LRRC4C: variants seen among roughly 807,000 people sequenced by gnomAD.
LRRC4C encodes the protein leucine-rich repeat-containing protein 4C.
In LRRC4C, 5 loss-of-function variants were observed where a neutral mutation model predicts 33.6. That is an observed-to-expected ratio of 0.15 (90% CI 0.08 to 0.31). The LOEUF is 0.31. Ranked by LOEUF, LRRC4C falls within the 10% of genes least tolerant of loss-of-function variation. LRRC4C has a pLI of 1.00. For missense variants in LRRC4C, 560 were observed against 796.7 expected (o/e 0.70, Z 3.58); for synonymous variants, 329 against 302.0 (o/e 1.09, Z -0.93).
At chr11:41,194,517 G>T (rs541261222) in intron 1 of LRRC4C, among the ~76,000 whole-genome samples, 1 of 152,184 alleles carries the variant, frequency 6.6e-6, no homozygotes, top group South Asian at 2.1e-4. Context: ...TGACCATTTT[G>T]CCAGGAGATT....
chr11:41,130,957 C>A (rs1349005411), intron 1 of LRRC4C, among the ~76,000 whole-genome samples: 2 of 151,802 alleles, frequency 1.3e-5, no homozygotes, highest in Admixed American at 1.3e-4. Flanking sequence ...CTTTTTTTTG[C>A]AGGTATATTT....
intron 1 of LRRC4C, among the ~76,000 whole-genome samples, chr11:41,092,113 T>C (rs966103355): frequency 3.9e-5 from 6 of 152,204 alleles, no homozygotes. Context: ...GGTTGAATTA[T>C]AAAATAATTT....
Position 40,277,789 on chromosome 11 carries a change from A to G in LRRC4C, c.-175-36191T>C, listed in dbSNP as rs1943217856. ...GGATTCAATGTCTTTACAAAGGTAA[A>G]ACCTTTAGAGGGTGCCTACTCACAG... On this transcript the variant is annotated intron_variant, in intron 4 of 6. Coordinates refer to ENST00000528697, the MANE Select transcript of LRRC4C (RefSeq NM_001258419.2). Among the ~76,000 whole-genome samples the G allele has an allele frequency of 2.0e-5, 3 of 152,120 alleles. No individual in the cohort carries two copies. In the South Asian group the frequency reaches 6.2e-4, roughly 31 times the overall value.
chr11:40,594,850 A>G (rs894518638), intron 3 of LRRC4C, among the ~76,000 whole-genome samples: 3 of 152,188 alleles, frequency 2.0e-5, no homozygotes, highest in African/African-American at 7.2e-5. Context: ...AAATAAGTAA[A>G]CAAAAAGAAG....
chr11:41,087,025 C>G (rs7935110), intron 1 of LRRC4C, among the ~76,000 whole-genome samples: 86,884 of 151,732 alleles, frequency 0.57, 26,234 homozygotes, highest in South Asian at 0.74. Context: ...TCTGCCATTC[C>G]TGCACCAGAA....
intron 2 of LRRC4C, among the ~76,000 whole-genome samples, chr11:40,819,390 C>T (rs141041310): frequency 2.0e-5 from 3 of 152,174 alleles, no homozygotes; most frequent in Admixed American, 1.3e-4. Context: ...GTTCTTGCCC[C>T]GGAATTCTGC....
At chr11:40,247,851 A>G (rs946144906) in intron 4 of LRRC4C, among the ~76,000 whole-genome samples, 2 of 152,220 alleles carry the variant, frequency 1.3e-5, no homozygotes, top group Non-Finnish European at 2.9e-5. Flanking sequence ...TACTGACTGC[A>G]TATCTACAAA....
chr11:40,999,375 C>G (rs926745101), intron 1 of LRRC4C, among the ~76,000 whole-genome samples: 2 of 152,156 alleles, frequency 1.3e-5, no homozygotes, highest in African/African-American at 4.8e-5. Flanking sequence ...TACGGACAGT[C>G]TGTAATTTGT....
chr11:40,317,000 C>T (rs1048638027), intron 4 of LRRC4C, among the ~76,000 whole-genome samples: 3 of 151,896 alleles, frequency 2.0e-5, no homozygotes, highest in South Asian at 2.1e-4. Context: ...GGGATTTACT[C>T]ATTCTAAATT....
At chr11:40,695,026 A>C (rs1033079578) in intron 2 of LRRC4C, among the ~76,000 whole-genome samples, 2 of 151,932 alleles carry the variant, frequency 1.3e-5, no homozygotes, top group Non-Finnish European at 2.9e-5. Flanking sequence ...TCTATTGTGC[A>C]GATATTGTGT....
At chr11:40,388,985 G>A (rs1364049297) in intron 3 of LRRC4C, among the ~76,000 whole-genome samples, 1 of 152,128 alleles carries the variant, frequency 6.6e-6, no homozygotes, top group Non-Finnish European at 1.5e-5. Flanking sequence ...GTTCATTCTA[G>A]TGATGTCCTT....
intron 3 of LRRC4C, among the ~76,000 whole-genome samples, chr11:40,509,809 A>G (rs1191932261): frequency 3.3e-5 from 5 of 152,252 alleles, no homozygotes; most frequent in African/African-American, 1.2e-4. Context: ...CTATAGTTAT[A>G]TATTTTGTGT....
intron 3 of LRRC4C, among the ~76,000 whole-genome samples, chr11:40,526,855 A>G (rs1397417548): frequency 6.6e-6 from 1 of 152,166 alleles, no homozygotes; most frequent in Non-Finnish European, 1.5e-5. Context: ...GTAACTGAAT[A>G]AATGGCGATT....
intron 1 of LRRC4C, among the ~76,000 whole-genome samples, chr11:41,193,728 T>C (rs748720100): frequency 9.9e-5 from 15 of 151,982 alleles, no homozygotes; most frequent in Non-Finnish European, 2.1e-4. Flanking sequence ...GAGGTAGAAA[T>C]ATAAAAGAAG....
At chr11:41,441,322 T>C (rs1955611436) in intron 1 of LRRC4C, among the ~76,000 whole-genome samples, 1 of 151,860 alleles carries the variant, frequency 6.6e-6, no homozygotes, top group African/African-American at 2.4e-5. Flanking sequence ...AGAGGCAAAA[T>C]GGAAGTAGAA....
rs371544156 is a variant in LRRC4C at position 40,291,593 on chromosome 11, A to G, written c.-176+28035T>C. Among the ~76,000 whole-genome samples, 107 of 152,198 alleles carry G rather than the reference A, an allele frequency of 7.0e-4. 1 individual carries two copies. The highest frequency in any genetic ancestry group is 2.5e-3 in the African/African-American group (104 of 41,512). On this transcript the variant is annotated intron_variant, in intron 4 of 6. Coordinates refer to ENST00000528697, the MANE Select transcript of LRRC4C (RefSeq NM_001258419.2). ...TGGTGTGAACCCGGGTAATCTGAAG[A>G]CCACATCTGGGCATATGTATGCAAG...
At chr11:40,165,834 A>G (rs11035720) in intron 5 of LRRC4C, among the ~76,000 whole-genome samples, 26,644 of 151,978 alleles carry the variant, frequency 0.18, 2,608 homozygotes, top group East Asian at 0.41. Flanking sequence ...AATCCCAGCT[A>G]CTGGGGAGGC....
In LRRC4C at chr11:41,290,118, C is replaced by A. The variant is rs143986701; in HGVS notation, c.-496+169313G>T. On this transcript the variant is annotated intron_variant, in intron 1 of 6. Transcript: ENST00000528697. ...TTCAGAAAGGTAAAAGGTATCTAGT[C>A]GGAGAGAGAGACAATGGACCACATA... Among the ~76,000 whole-genome samples, 152 of 152,094 alleles carry A rather than the reference C, an allele frequency of 1.0e-3. 4 individuals carry two copies. In the East Asian group the frequency reaches 0.026, roughly 26 times the overall value.
At chr11:41,034,263 C>T (rs1355518927) in intron 1 of LRRC4C, among the ~76,000 whole-genome samples, 2 of 151,686 alleles carry the variant, frequency 1.3e-5, no homozygotes, top group Admixed American at 6.6e-5. Flanking sequence ...CCTGTGATAC[C>T]CTCTGCCATG....
Sources: allele counts gnomAD v4.1 joint callset (sites outside exome capture counted in the v4.1 genomes callset), GRCh38; gene constraint gnomAD v4.1.1; transcripts MANE v1.5; gene names NCBI Gene and HGNC (gene_info 2026-07-23, HGNC 2026-07-21).